The following TCEA3 variants were observed in gnomAD, a reference collection of about 807,000 sequenced individuals.
TCEA3 encodes transcription elongation factor A3.
Under a neutral mutation model 44.0 loss-of-function variants are expected in TCEA3, and 36 were observed. The ratio of observed to expected loss-of-function variants is 0.82; its 90% CI spans 0.63 to 1.08. The LOEUF is 1.08. Ranked by LOEUF, TCEA3 falls within the 50% of genes least tolerant of loss-of-function variation. The pLI is 0.00. For synonymous variants in TCEA3, 162 were observed against 159.7 expected, an observed-to-expected ratio of 1.01 and a Z score of -0.11; for missense variants, 392 against 441.2, an observed-to-expected ratio of 0.89 and a Z score of 1.00.
Position 23,408,734 on chromosome 1 carries a change from A to C in TCEA3, c.381-8T>G. The stretch of plus-strand genomic sequence containing the variant: ...GAGTCCACAGAGTCTCTCCTGAAAG[A>C]AGAAAATTGGCAAGGAGACTGCTTT... On this transcript the variant is annotated splice_region_variant and splice_polypyrimidine_tract_variant and intron_variant, in intron 4 of 10. Coordinates refer to ENST00000450454, the MANE Select transcript of TCEA3 (RefSeq NM_003196.3). The C allele has an allele frequency of 2.5e-6, 4 of 1,603,698 alleles. No homozygotes were observed. Among genetic ancestry groups the C allele is most frequent in the Non-Finnish European group, 3.4e-6 (4 of 1,174,964 alleles).
intron 10 of TCEA3, among the ~76,000 whole-genome samples, chr1:23,383,207 G>C (rs925301847): frequency 5.3e-5 from 8 of 151,798 alleles, no homozygotes; most frequent in African/African-American, 1.9e-4. Context: ...GTGAACCTGG[G>C]GGGTGGAGCT....
chr1:23,402,309 C>G (rs1004444430), intron 5 of TCEA3, among the ~76,000 whole-genome samples: 1 of 152,206 alleles, frequency 6.6e-6, no homozygotes, highest in African/African-American at 2.4e-5. Context: ...CATTGCACAT[C>G]AGCCTGAGTG....
intron 5 of TCEA3, among the ~76,000 whole-genome samples, chr1:23,405,966 C>A (rs1639532742): frequency 6.6e-6 from 1 of 151,812 alleles, no homozygotes; most frequent in Admixed American, 6.6e-5. Context: ...TCAGGAGTAT[C>A]CCCCTCCTTC....
intron 6 of TCEA3, 51 bp downstream of exon 6, chr1:23,397,741 T>A: frequency 1.2e-6 from 2 of 1,612,614 alleles, no homozygotes; most frequent in South Asian, 2.2e-5. Flanking sequence ...CTCAGTGAGA[T>A]TGGGAAAAGG....
At chr1:23,392,309 C>T (rs1639052366) in intron 8 of TCEA3, among the ~76,000 whole-genome samples, 1 of 144,902 alleles carries the variant, frequency 6.9e-6, no homozygotes, top group African/African-American at 2.5e-5. Flanking sequence ...ATGCTAATCA[C>T]ACACCACACA....
In TCEA3 at chr1:23,399,526, C is replaced by T. The variant is rs116828251; in HGVS notation, c.444-1571G>A. 5.6e-3 allele frequency among the ~76,000 whole-genome samples: 859 copies of T among 152,152 alleles called. 7 individuals carry two copies. The highest frequency in any genetic ancestry group is 0.02 in the African/African-American group (816 of 41,518). ...TCAACATATGAATTTTAGGGGGTCACAAACATTCAGCCCATAATACCATGT... is the reference window on the plus strand; with the variant it reads ...TCAACATATGAATTTTAGGGGGTCATAAACATTCAGCCCATAATACCATGT... On this transcript the variant is annotated intron_variant, in intron 5 of 10. Transcript: ENST00000450454.
At chr1:23,401,791 C>T (rs1265741766) in intron 5 of TCEA3, among the ~76,000 whole-genome samples, 1 of 152,124 alleles carries the variant, frequency 6.6e-6, no homozygotes. Context: ...CGGACTGGTA[C>T]CAGTCTGTGG....
chr1:23,399,550 G>A (rs1294765766), intron 5 of TCEA3, among the ~76,000 whole-genome samples: 1 of 151,834 alleles, frequency 6.6e-6, no homozygotes, highest in African/African-American at 2.4e-5. Flanking sequence ...ATAATACCAT[G>A]TTAATAGCAA....
chr1:23,414,320 G>A (rs149888470), intron 4 of TCEA3, among the ~76,000 whole-genome samples: 1,795 of 152,222 alleles, frequency 0.012, 44 homozygotes, highest in African/African-American at 0.04. Context: ...TCGAACTCCT[G>A]ACCTCATGAT....
chr1:23,397,650 A>C (rs755918319), intron 6 of TCEA3, 49 bp from the exon 7 acceptor site: 1 of 1,606,126 alleles, frequency 6.2e-7, no homozygotes, highest in Non-Finnish European at 8.5e-7. Context: ...CAACGTAGGC[A>C]GTGAAGCCTG....
chr1:23,403,594 C>T (rs1385648388), intron 5 of TCEA3: 1 of 155,836 alleles, frequency 6.4e-6, no homozygotes, highest in Non-Finnish European at 1.4e-5. Flanking sequence ...ATAATTGTCT[C>T]CATTTTACAG....
chr1:23,390,404 C>T (rs1360973003), intron 8 of TCEA3, among the ~76,000 whole-genome samples: 1 of 152,124 alleles, frequency 6.6e-6, no homozygotes. Context: ...TCTCTTGAAC[C>T]TGGGAGGTGG....
In TCEA3 at chr1:23,407,536, C is replaced by T. The variant is rs988107445; in HGVS notation, c.443+1128G>A. Among the ~76,000 whole-genome samples the T allele has an allele frequency of 9.9e-5, 15 of 152,212 alleles. No individual in the cohort carries two copies. In the East Asian group the frequency reaches 2.9e-3, roughly 29 times the overall value. On this transcript the variant is annotated intron_variant, in intron 5 of 10. Coordinates refer to ENST00000450454, the MANE Select transcript of TCEA3 (RefSeq NM_003196.3). ...CACACCCCCACCTCAGGGCACTTGG[C>T]TTGGAATGACCCCAGTATCTGCTTG...
At chr1:23,382,203 C>T (rs1050481544) in intron 10 of TCEA3, among the ~76,000 whole-genome samples, 13 of 152,156 alleles carry the variant, frequency 8.5e-5, no homozygotes, top group East Asian at 3.9e-4. Flanking sequence ...TGTGTCACCA[C>T]GCCTGGCTAA....
At position 23,417,268 on chromosome 1, in the gene TCEA3, G is replaced by GT. The variant is rs1382847309; in HGVS notation, c.360dup (p.Arg121ThrfsTer43). The GT allele has an allele frequency of 5.0e-6, 8 of 1,613,700 alleles. No homozygotes were observed. Among genetic ancestry groups the GT allele is most frequent in the Middle Eastern group, 1.6e-4 (1 of 6,084 alleles). Reference sequence around the variant, plus strand: ...GAATACCTGGTTTTGGGGTCTTCTCGTTTTTTCCTTGGTGGAGAAAGGCCT... The same window carrying GT: ...GAATACCTGGTTTTGGGGTCTTCTCGTTTTTTTCCTTGGTGGAGAAAGGCCT... On this transcript the variant is annotated frameshift_variant, in exon 4 of 11. Transcript: ENST00000450454. LOFTEE classifies it high-confidence loss of function.
chr1:23,389,223 T>C (rs1638946084), intron 8 of TCEA3, among the ~76,000 whole-genome samples: 1 of 152,052 alleles, frequency 6.6e-6, no homozygotes, highest in Admixed American at 6.6e-5. Flanking sequence ...TGCAGTGGCT[T>C]ACACCTGTAA....
At chr1:23,401,429 C>G (rs574169653) in intron 5 of TCEA3, among the ~76,000 whole-genome samples, 1 of 152,206 alleles carries the variant, frequency 6.6e-6, no homozygotes, top group African/African-American at 2.4e-5. Flanking sequence ...TGCCTGACAA[C>G]TGGGTTGCCT....
rs1639624292 is a variant in TCEA3, at chr1:23,408,701, A to AAGACTTG, written c.399_405dup (p.Ser136GlnfsTer30). ...GGTCTTTTTGGAGAGGAGGAGGCAG[A>AAGACTTG]AGACTTGGAGTCCACAGAGTCTCTC... is the stretch of plus-strand genomic sequence containing the variant. On this transcript the variant is annotated frameshift_variant, in exon 5 of 11. Transcript: ENST00000450454. LOFTEE classifies it high-confidence loss of function. 2.5e-6 allele frequency: 4 copies of AAGACTTG among 1,611,384 alleles called. No individual in the cohort carries two copies. Among genetic ancestry groups the AAGACTTG allele is most frequent in the Middle Eastern group, 3.3e-4 (2 of 6,044 alleles).
chr1:23,423,100 A>T (rs1198439), intron 1 of TCEA3, among the ~76,000 whole-genome samples: 132,661 of 152,222 alleles, frequency 0.87, 57,889 homozygotes, highest in Middle Eastern at 0.93. Context: ...TGCTCCCCCA[A>T]GACTTGTGGC....
Sources: gnomAD v4.1 joint callset for allele counts (sites outside exome capture counted in the v4.1 genomes callset) on GRCh38, gnomAD v4.1.1 for gene constraint, MANE v1.5 for transcripts, NCBI Gene and HGNC (gene_info 2026-07-23, HGNC 2026-07-21) for gene names.